RGS7: variants seen among roughly 807,000 people sequenced by gnomAD.
The protein encoded by RGS7 is regulator of G protein signaling 7.
RGS7 carries 27 observed loss-of-function variants against 81.1 expected under a neutral mutation model. That is an observed-to-expected ratio of 0.33 (90% CI 0.25 to 0.46). The LOEUF is 0.46. Among genes scored for constraint, RGS7 ranks in the 20% least tolerant of loss-of-function variants. The probability of loss-of-function intolerance (pLI) is 1.00; values close to 1 mark genes in which losing one functional copy is unlikely to be tolerated. For missense variants in RGS7, 396 were observed against 607.4 expected (o/e 0.65, Z 3.66); for synonymous variants, 208 against 207.7 (o/e 1.00, Z -0.01).
At chr1:241,317,408 G>A (rs1307570628) in intron 2 of RGS7, among the ~76,000 whole-genome samples, 1 of 152,190 alleles carries the variant, frequency 6.6e-6, no homozygotes, top group Admixed American at 6.5e-5. Context: ...TTGTAGCTTG[G>A]TCTCCAGAAA....
At position 241,221,032 on chromosome 1, in the gene RGS7, AGG is replaced by A. The variant is rs1174017231; in HGVS notation, c.79-122272_79-122271del. ...AAGGAAGGAAGGAAGGAAGGAAGGAAGGAAGGAAAAGAAAGAAAGAAAGAAAG... is the reference window on the plus strand; with the variant it reads ...AAGGAAGGAAGGAAGGAAGGAAGGAAAAGGAAAAGAAAGAAAGAAAGAAAG... On this transcript the variant is annotated intron_variant, in intron 2 of 18. Transcript: ENST00000440928. Among the ~76,000 whole-genome samples the A allele has an allele frequency of 8.7e-3, 1,033 of 119,246 alleles. 16 individuals are homozygous for A. The highest frequency in any genetic ancestry group is 0.012 in the Non-Finnish European group (634 of 53,164). 78.2% of individuals were successfully genotyped at this position (119,246 alleles called of 152,430 possible).
chr1:241,317,688 A>T (rs2148590074), intron 2 of RGS7, among the ~76,000 whole-genome samples: 1 of 152,304 alleles, frequency 6.6e-6, no homozygotes, highest in South Asian at 2.1e-4. Context: ...AAAAGTATGC[A>T]CCCTTTGAAA....
chr1:240,787,216 G>T (rs762412246), intron 18 of RGS7, among the ~76,000 whole-genome samples: 14 of 152,028 alleles, frequency 9.2e-5, no homozygotes, highest in African/African-American at 2.2e-4. Flanking sequence ...ACATATCAAT[G>T]TACTGTTTGT....
At chr1:240,999,551 A>AT (rs1319241171) in intron 3 of RGS7, among the ~76,000 whole-genome samples, 1 of 152,020 alleles carries the variant, frequency 6.6e-6, no homozygotes, top group African/African-American at 2.4e-5. Context: ...TGATATATAT[A>AT]TTTTTTCCAT....
At chr1:241,264,366 C>T (rs1314373022) in intron 2 of RGS7, among the ~76,000 whole-genome samples, 1 of 152,046 alleles carries the variant, frequency 6.6e-6, no homozygotes, top group African/African-American at 2.4e-5. Context: ...GCTGTGGTGG[C>T]GTGCACCTGC....
chr1:241,342,549 A>G (rs957189918), intron 2 of RGS7, among the ~76,000 whole-genome samples: 4 of 152,210 alleles, frequency 2.6e-5, no homozygotes, highest in African/African-American at 7.2e-5. Flanking sequence ...AAATGTAAAA[A>G]GCAATTACAA....
chr1:240,920,858 A>G (rs1402086847), intron 6 of RGS7, among the ~76,000 whole-genome samples: 1 of 152,142 alleles, frequency 6.6e-6, no homozygotes, highest in East Asian at 1.9e-4. Flanking sequence ...CAAGCATTCC[A>G]ACAAAGGGTC....
At chr1:240,932,362 T>C (rs1675599830) in intron 5 of RGS7, among the ~76,000 whole-genome samples, 1 of 152,170 alleles carries the variant, frequency 6.6e-6, no homozygotes. Flanking sequence ...TAAGACTTTA[T>C]GTGGGTCACC....
At chr1:241,034,385 A>G (rs375063660) in intron 3 of RGS7, among the ~76,000 whole-genome samples, 52 of 152,364 alleles carry the variant, frequency 3.4e-4, no homozygotes, top group African/African-American at 1.2e-3. Flanking sequence ...TGCCGGAGTA[A>G]CTAACAAGTA....
At chr1:241,251,116 C>T (rs558531055) in intron 2 of RGS7, among the ~76,000 whole-genome samples, 1 of 152,308 alleles carries the variant, frequency 6.6e-6, no homozygotes, top group African/African-American at 2.4e-5. Context: ...AGTATCTACA[C>T]ACTTTTAAAA....
intron 2 of RGS7, among the ~76,000 whole-genome samples, chr1:241,117,846 G>A (rs1389046369): frequency 2.0e-5 from 3 of 152,168 alleles, no homozygotes; most frequent in African/African-American, 7.2e-5. Context: ...CAATGGCACT[G>A]GGGACAATAG....
At chr1:240,993,504 A>G (rs895908328) in intron 3 of RGS7, among the ~76,000 whole-genome samples, 23 of 152,116 alleles carry the variant, frequency 1.5e-4, no homozygotes, top group Admixed American at 2.0e-4. Context: ...TGGTGTAGGT[A>G]CATCCTTTTC....
intron 18 of RGS7, among the ~76,000 whole-genome samples, chr1:240,799,040 G>T (rs1418482518): frequency 6.6e-6 from 1 of 152,004 alleles, no homozygotes; most frequent in Non-Finnish European, 1.5e-5. Flanking sequence ...AGTATGTAAA[G>T]ATCTAAGATG....
At chr1:241,017,034 T>C (rs1255810518) in intron 3 of RGS7, among the ~76,000 whole-genome samples, 1 of 152,204 alleles carries the variant, frequency 6.6e-6, no homozygotes. Flanking sequence ...CAACAATAGA[T>C]ATTTTTAAAT....
chr1:240,887,221 T>C (rs1197318892), intron 6 of RGS7, among the ~76,000 whole-genome samples: 3 of 111,794 alleles, frequency 2.7e-5, no homozygotes, highest in Non-Finnish European at 5.7e-5. Flanking sequence ...ATTTTGAGTA[T>C]ATAGGTTTTT....
chr1:241,242,421 T>C (rs1017957816), intron 2 of RGS7, among the ~76,000 whole-genome samples: 1 of 152,204 alleles, frequency 6.6e-6, no homozygotes, highest in African/African-American at 2.4e-5. Flanking sequence ...AGTTGTGAAC[T>C]GTGCTGCTAT....
At chr1:240,827,524 G>T (rs376829922) in intron 9 of RGS7, among the ~76,000 whole-genome samples, 1 of 152,138 alleles carries the variant, frequency 6.6e-6, no homozygotes, top group African/African-American at 2.4e-5. Context: ...GATACCCCTT[G>T]CTGGTTTTCT....
chr1:241,145,274 C>G (rs2068231889), intron 2 of RGS7, among the ~76,000 whole-genome samples: 1 of 152,006 alleles, frequency 6.6e-6, no homozygotes, highest in Non-Finnish European at 1.5e-5. Context: ...CTTCAGCCAC[C>G]CAAAGTGCTG....
At chr1:241,248,415 TA>T (rs1448740249) in intron 2 of RGS7, among the ~76,000 whole-genome samples, 9 of 146,990 alleles carry the variant, frequency 6.1e-5, no homozygotes, top group Non-Finnish European at 1.2e-4. Context: ...TATATATACA[TA>T]TATATATAAT....
Sources: gnomAD v4.1 joint callset for allele counts (sites outside exome capture counted in the v4.1 genomes callset) on GRCh38, gnomAD v4.1.1 for gene constraint, MANE v1.5 for transcripts, NCBI Gene and HGNC (gene_info 2026-07-23, HGNC 2026-07-21) for gene names.